Variants in EML6 observed in about 807,000 individuals in gnomAD.
EML6 encodes the protein echinoderm microtubule-associated protein-like 6.
A neutral mutation model predicts 240.1 loss-of-function variants in EML6; 154 were observed. The ratio of observed to expected loss-of-function variants is 0.64; its 90% CI spans 0.56 to 0.73. EML6 has a LOEUF of 0.73. Ranked by LOEUF, EML6 falls within the 30% of genes least tolerant of loss-of-function variation. EML6 has a pLI of 0.00. For missense variants in EML6, 2,964 were observed against 2,474.6 expected, an observed-to-expected ratio of 1.20 and a Z score of -4.20; for synonymous variants, 1,148 against 899.0, an observed-to-expected ratio of 1.28 and a Z score of -4.95.
intron 7 of EML6, 55 bp from the exon 8 acceptor site, chr2:54,843,964 TTGTGTGTGTGTGTGTGTGTGTGTGTGTG>T: frequency 1.5e-6 from 1 of 657,234 alleles, no homozygotes; most frequent in Non-Finnish European, 2.6e-6. Flanking sequence ...CTTTAGGGTT[TTGTGTGTGTGTGTGTGTGTGTGTGTGTG>T]TGTGTGTGTG....
chr2:54,967,946 C>T (rs1676820312), intron 39 of EML6, among the ~76,000 whole-genome samples, 182 bp from the exon 40 acceptor site: 2 of 152,204 alleles, frequency 1.3e-5, no homozygotes, highest in Non-Finnish European at 1.5e-5. Context: ...CACCACTGCT[C>T]ACCTCCTGCC....
rs529615823 is a variant in EML6 at position 54,842,236 on chromosome 2, C to T, written c.848-1811C>T. On this transcript the variant is annotated intron_variant, in intron 7 of 41. Transcript: ENST00000356458. ...CTCCATACTCTGCCTGTTCATCACT[C>T]TGCCTATTTATCTCTCTGCCCCAGA... is the stretch of plus-strand genomic sequence containing the variant. Among the ~76,000 whole-genome samples, 228 of 152,338 alleles carry T rather than the reference C, an allele frequency of 1.5e-3. 1 individual carries two copies. Among genetic ancestry groups the T allele is most frequent in the African/African-American group, 4.8e-3 (200 of 41,572 alleles).
chr2:54,739,635 G>A (rs1233865323), intron 2 of EML6, among the ~76,000 whole-genome samples: 1 of 152,190 alleles, frequency 6.6e-6, no homozygotes, highest in African/African-American at 2.4e-5. Context: ...GCAGTCACGA[G>A]GGCAGGAGTC....
chr2:54,795,382 G>A (rs1208413275), intron 2 of EML6, among the ~76,000 whole-genome samples: 2 of 152,140 alleles, frequency 1.3e-5, no homozygotes, highest in Non-Finnish European at 2.9e-5. Context: ...GAGAACACAA[G>A]GGAAATCTGC....
At chr2:54,943,186 GCTT>G (rs1263311215) in intron 28 of EML6, among the ~76,000 whole-genome samples, 5 of 152,162 alleles carry the variant, frequency 3.3e-5, no homozygotes, top group African/African-American at 1.2e-4. Context: ...CCATCTTGGT[GCTT>G]CTTTCTCTCT....
rs530916566 is a variant in EML6, at chr2:54,970,325, G to A, written c.*230G>A. The A allele has an allele frequency of 1.5e-4, 90 of 582,852 alleles. 1 individual carries two copies. Among genetic ancestry groups the A allele is most frequent in the African/African-American group, 1.3e-3 (67 of 53,588 alleles). 36.1% of individuals were successfully genotyped at this position (582,852 alleles called of 1,614,324 possible). A position where few individuals can be genotyped will look rare whatever the true frequency, so the allele number is the denominator to read the frequency against. ...AGTTTTAAAATGTTAAAGACTGCTT[G>A]CCTCTGTTCCTGAGACTAAACAGTA... On this transcript the variant is annotated 3_prime_UTR_variant, in exon 42 of 42. Transcript: ENST00000356458.
intron 24 of EML6, among the ~76,000 whole-genome samples, chr2:54,905,220 A>G (rs1161965729): frequency 6.6e-6 from 1 of 151,678 alleles, no homozygotes; most frequent in African/African-American, 2.4e-5. Context: ...CTTCTTTGAT[A>G]TTCTCTGCTT....
At chr2:54,927,437 A>G (rs909785091) in intron 26 of EML6, among the ~76,000 whole-genome samples, 7 of 152,232 alleles carry the variant, frequency 4.6e-5, no homozygotes, top group Admixed American at 6.5e-5. Flanking sequence ...ACAACCTCAG[A>G]GAGTGCATGT....
intron 2 of EML6, among the ~76,000 whole-genome samples, chr2:54,746,483 A>G (rs1208898663): frequency 6.6e-6 from 1 of 152,228 alleles, no homozygotes; most frequent in Non-Finnish European, 1.5e-5. Flanking sequence ...CAAGATATAT[A>G]CAACATTCTG....
chr2:54,840,285 G>A (rs535660223), intron 7 of EML6, among the ~76,000 whole-genome samples: 3 of 124,616 alleles, frequency 2.4e-5, no homozygotes, highest in Non-Finnish European at 3.8e-5. Context: ...GAAAAGGGCC[G>A]TGTCTTTAAA....
At chr2:54,741,696 A>G (rs571822863) in intron 2 of EML6, among the ~76,000 whole-genome samples, 20 of 152,370 alleles carry the variant, frequency 1.3e-4, no homozygotes, top group African/African-American at 4.6e-4. Context: ...AAGGGGAGAT[A>G]TTAAAATGAC....
rs1224691771 is a variant in EML6 at position 54,844,209 on chromosome 2, A to G, written c.1010A>G (p.Lys337Arg). 1 of 1,551,688 alleles carries G rather than the reference A, an allele frequency of 6.4e-7. No individual in the cohort carries two copies. The highest frequency in any genetic ancestry group is 8.7e-7 in the Non-Finnish European group (1 of 1,147,004). ...ELWALALHPKKPLAVTGSDDR... is the reference protein window; with the variant it reads ...ELWALALHPKRPLAVTGSDDR... ...TGGGCTCTGGCCCTGCACCCCAAGA[A>G]GCCTCTGGCTGTGACAGGCAGCGAT... Residue 337 changes from lysine to arginine, a missense_variant, in exon 8 of 42, where the codon AAG becomes AGG. Transcript: ENST00000356458.
intron 23 of EML6, 73 bp downstream of exon 23, chr2:54,903,269 A>C: frequency 6.6e-7 from 1 of 1,524,596 alleles, no homozygotes; most frequent in Non-Finnish European, 8.9e-7. Context: ...GAACTATTTC[A>C]AATGTTTCTT....
intron 21 of EML6, among the ~76,000 whole-genome samples, chr2:54,897,713 C>A (rs1177788821): frequency 6.7e-6 from 1 of 149,642 alleles, no homozygotes; most frequent in East Asian, 2.0e-4. Context: ...TTTTCAGCAT[C>A]TTTTTTTCGT....
At chr2:54,753,993 G>T (rs1163781262) in intron 2 of EML6, among the ~76,000 whole-genome samples, 1 of 151,718 alleles carries the variant, frequency 6.6e-6, no homozygotes, top group Non-Finnish European at 1.5e-5. Context: ...AAATTAGCCG[G>T]GTGTGGCAGC....
intron 24 of EML6, among the ~76,000 whole-genome samples, chr2:54,907,495 A>C (rs1673387627): frequency 6.6e-6 from 1 of 152,230 alleles, no homozygotes; most frequent in South Asian, 2.1e-4. Context: ...TAACAGAGCG[A>C]GACTATGTCT....
At chr2:54,733,323 G>A (rs536711567) in intron 2 of EML6, among the ~76,000 whole-genome samples, 4 of 152,304 alleles carry the variant, frequency 2.6e-5, no homozygotes, top group East Asian at 1.9e-4. Context: ...TCTGTGTTAC[G>A]AGTTGATTTT....
chr2:54,743,434 A>T (rs952314269), intron 2 of EML6, among the ~76,000 whole-genome samples: 1 of 152,230 alleles, frequency 6.6e-6, no homozygotes, highest in Non-Finnish European at 1.5e-5. Flanking sequence ...TGCTGTATAT[A>T]TCTATTATTT....
At position 54,744,354 on chromosome 2, in the gene EML6, A is replaced by G. The variant is rs543626008; in HGVS notation, c.197+19096A>G. Among the ~76,000 whole-genome samples the G allele has an allele frequency of 2.6e-4, 40 of 152,252 alleles. No homozygotes were observed. The East Asian group carries it at 7.7e-3, about 29-fold the overall frequency. ...CCATGGGAATGTCCTTGGGTGGCAA[A>G]GTGACCCCGAGGGATAAATTTGCAG... On this transcript the variant is annotated intron_variant, in intron 2 of 41. Coordinates refer to ENST00000356458, the MANE Select transcript of EML6 (RefSeq NM_001039753.4).
Sources: allele counts gnomAD v4.1 joint callset (sites outside exome capture counted in the v4.1 genomes callset), GRCh38; gene constraint gnomAD v4.1.1; transcripts MANE v1.5; gene names NCBI Gene and HGNC (gene_info 2026-07-23, HGNC 2026-07-21).